Variants in PIP5K1A observed in about 807,000 individuals in gnomAD.
The protein encoded by PIP5K1A is phosphatidylinositol-4-phosphate 5-kinase type 1 alpha, also known as phosphatidylinositol 4-phosphate 5-kinase type-1 alpha.
In PIP5K1A, 46 loss-of-function variants were observed where a neutral mutation model predicts 72.9. The ratio of observed to expected loss-of-function variants is 0.63; its 90% CI spans 0.50 to 0.81. PIP5K1A has a LOEUF of 0.81. Ranked by LOEUF, PIP5K1A falls within the 30% of genes least tolerant of loss-of-function variation. The pLI is 0.00. For missense variants in PIP5K1A, 458 were observed against 706.1 expected (o/e 0.65, Z 3.98); for synonymous variants, 228 against 255.1 (o/e 0.89, Z 1.01).
intron 4 of PIP5K1A, among the ~76,000 whole-genome samples, chr1:151,231,211 CAAAAAAA>C (rs33932262): frequency 9.9e-6 from 1 of 101,488 alleles, no homozygotes; most frequent in Non-Finnish European, 2.0e-5. Context: ...GACTTAGTCT[CAAAAAAA>C]AAAAAAAAAA....
rs371867882 is a variant in PIP5K1A, at chr1:151,201,194, C to T, written c.85+2113C>T. On this transcript the variant is annotated intron_variant, in intron 1 of 15. Coordinates refer to ENST00000368888, the MANE Select transcript of PIP5K1A (RefSeq NM_001135638.2). ...TGAAACCTGCTTCCCCTCTAATCCC[C>T]AACCCAGAAAGAAGAAGGGTTGTGT... 2.6e-5 allele frequency among the ~76,000 whole-genome samples: 4 copies of T among 152,236 alleles called. No individual in the cohort carries two copies. In the East Asian group the frequency reaches 5.8e-4, roughly 22 times the overall value.
chr1:151,225,755 C>T (rs1392829379), intron 3 of PIP5K1A, among the ~76,000 whole-genome samples: 2 of 151,984 alleles, frequency 1.3e-5, no homozygotes, highest in Non-Finnish European at 2.9e-5. Flanking sequence ...CAGGTGTGAG[C>T]CACTGCGCCT....
chr1:151,224,337 C>G (rs200506595), intron 2 of PIP5K1A, 34 bp from the exon 3 acceptor site: 3 of 1,608,306 alleles, frequency 1.9e-6, no homozygotes, highest in Non-Finnish European at 2.6e-6. Context: ...TAGAAGGAAC[C>G]TGTTTATGAC....
chr1:151,204,648 G>T (rs1572143302), intron 1 of PIP5K1A, among the ~76,000 whole-genome samples: 1 of 152,152 alleles, frequency 6.6e-6, no homozygotes, highest in Admixed American at 6.5e-5. Flanking sequence ...ATATCACCAG[G>T]TGCCATTTTG....
intron 6 of PIP5K1A, 42 bp from the exon 7 acceptor site, chr1:151,232,509 C>G (rs755366460): frequency 6.3e-7 from 1 of 1,583,220 alleles, no homozygotes. Context: ...GGGCAAGGCC[C>G]TGATGTGTCT....
At chr1:151,220,267 G>C (rs1688227736) in intron 1 of PIP5K1A, among the ~76,000 whole-genome samples, 1 of 152,100 alleles carries the variant, frequency 6.6e-6, no homozygotes, top group South Asian at 2.1e-4. Flanking sequence ...GCCTCCCCAA[G>C]TGCTGGGATT....
At chr1:151,229,052 C>T (rs1319080827) in intron 4 of PIP5K1A, among the ~76,000 whole-genome samples, 1 of 150,448 alleles carries the variant, frequency 6.6e-6, no homozygotes, top group African/African-American at 2.4e-5. Flanking sequence ...TCTGTAATCC[C>T]AGCTACTCAG....
At chr1:151,208,475 C>T (rs1225175289) in intron 1 of PIP5K1A, among the ~76,000 whole-genome samples, 2 of 151,224 alleles carry the variant, frequency 1.3e-5, no homozygotes, top group Non-Finnish European at 2.9e-5. Flanking sequence ...ATTCCCCTGC[C>T]TCAGCCTCCT....
At chr1:151,231,840 T>G in intron 5 of PIP5K1A, 39 bp downstream of exon 5, 1 of 1,606,600 alleles carries the variant, frequency 6.2e-7, no homozygotes, top group African/African-American at 1.4e-5. Context: ...CCTGGAAATG[T>G]GGCCTTTTCA....
chr1:151,199,914 T>TCAC (rs1232019407), intron 1 of PIP5K1A, among the ~76,000 whole-genome samples: 1 of 151,978 alleles, frequency 6.6e-6, no homozygotes, highest in East Asian at 1.9e-4. Context: ...CCCTAATGTG[T>TCAC]CACCCCTTCT....
chr1:151,195,676 G>A (rs1007764769), upstream of PIP5K1A, among the ~76,000 whole-genome samples: 5 of 151,518 alleles, frequency 3.3e-5, no homozygotes, highest in African/African-American at 9.7e-5. Flanking sequence ...GCTTGAACCC[G>A]GGAGGTGGAG....
intron 1 of PIP5K1A, among the ~76,000 whole-genome samples, chr1:151,207,795 G>A (rs1256383031): frequency 1.3e-5 from 2 of 151,690 alleles, no homozygotes; most frequent in African/African-American, 4.8e-5. Context: ...CTCCCAAAGT[G>A]CTGGGATGAT....
At chr1:151,241,047 C>T (rs1055849916) in intron 12 of PIP5K1A, among the ~76,000 whole-genome samples, 4 of 152,112 alleles carry the variant, frequency 2.6e-5, no homozygotes, top group Admixed American at 2.6e-4. Context: ...CCTGTAATCT[C>T]AGCTACTCAG....
At chr1:151,210,627 C>T (rs1268147860) in intron 1 of PIP5K1A, among the ~76,000 whole-genome samples, 2 of 152,098 alleles carry the variant, frequency 1.3e-5, no homozygotes, top group African/African-American at 4.8e-5. Flanking sequence ...CTCTGTTGCC[C>T]AGGCTGGAGT....
chr1:151,202,520 T>C (rs975415667), intron 1 of PIP5K1A, among the ~76,000 whole-genome samples: 1 of 152,224 alleles, frequency 6.6e-6, no homozygotes, highest in South Asian at 2.1e-4. Context: ...TCACCCAGGC[T>C]GGAGTGCAGT....
At chr1:151,216,070 C>T (rs965895719) in intron 1 of PIP5K1A, 2 of 817,792 alleles carry the variant, frequency 2.4e-6, no homozygotes, top group Admixed American at 2.3e-5. Flanking sequence ...AATTCCTCTT[C>T]CCCATAACAG....
At chr1:151,225,629 C>A (rs1310197757) in intron 3 of PIP5K1A, among the ~76,000 whole-genome samples, 1 of 151,984 alleles carries the variant, frequency 6.6e-6, no homozygotes. Context: ...GCCACCATGC[C>A]CGCCTAATTT....
In PIP5K1A at chr1:151,232,533, C is replaced by T. The variant is rs761215291; in HGVS notation, c.487-18C>T. ...CCTGATGTGTCTAAATCTCTTAGTT[C>T]TTCTCTGTTTGCCCCAGTATTCCCT... On this transcript the variant is annotated intron_variant, in intron 6 of 15. Transcript: ENST00000368888. The T allele has an allele frequency of 3.1e-6, 5 of 1,591,700 alleles. No individual in the cohort carries two copies. Among genetic ancestry groups the T allele is most frequent in the Non-Finnish European group, 4.3e-6 (5 of 1,170,560 alleles).
intron 1 of PIP5K1A, among the ~76,000 whole-genome samples, chr1:151,204,164 A>G (rs894768335): frequency 1.3e-4 from 20 of 151,934 alleles, no homozygotes; most frequent in African/African-American, 4.3e-4. Flanking sequence ...AGTAGTAGGG[A>G]TTATTGTTGA....
Sources: gnomAD v4.1 joint callset for allele counts (sites outside exome capture counted in the v4.1 genomes callset) on GRCh38, gnomAD v4.1.1 for gene constraint, MANE v1.5 for transcripts, NCBI Gene and HGNC (gene_info 2026-07-23, HGNC 2026-07-21) for gene names.